TBC1D19: variants seen among roughly 807,000 people sequenced by gnomAD.
The protein encoded by TBC1D19 is TBC1 domain family member 19.
A neutral mutation model predicts 89.0 loss-of-function variants in TBC1D19; 60 were observed. The ratio of observed to expected loss-of-function variants is 0.67; its 90% CI spans 0.55 to 0.84. TBC1D19 has a LOEUF of 0.84. Ranked by LOEUF, TBC1D19 falls within the 40% of genes least tolerant of loss-of-function variation. The probability of loss-of-function intolerance (pLI) is 0.00; values close to 1 mark genes in which losing one functional copy is unlikely to be tolerated. For synonymous variants in TBC1D19, 189 were observed against 199.7 expected, an observed-to-expected ratio of 0.95 and a Z score of 0.45; for missense variants, 500 against 610.8, an observed-to-expected ratio of 0.82 and a Z score of 1.91.
chr4:26,706,846 C>T (rs1715774106), intron 13 of TBC1D19, among the ~76,000 whole-genome samples: 1 of 151,382 alleles, frequency 6.6e-6, no homozygotes, highest in Non-Finnish European at 1.5e-5. Context: ...TCCAGTTTTC[C>T]TTCTGTGACT....
rs754080258 is a variant in TBC1D19 at position 26,692,592 on chromosome 4, C to G, written c.954+4185C>G. ...CTTTAACAACAGTAACTCTGAAGCT[C>G]TCCTCAAAGAACTAACTTTATATGG... On this transcript the variant is annotated intron_variant, in intron 13 of 20. Coordinates refer to ENST00000264866, the MANE Select transcript of TBC1D19 (RefSeq NM_018317.4). 2.0e-5 allele frequency among the ~76,000 whole-genome samples: 3 copies of G among 152,326 alleles called. No homozygotes were observed. In the South Asian group the frequency reaches 6.2e-4, roughly 32 times the overall value.
At chr4:26,637,062 TAGTC>T in intron 4 of TBC1D19, 145 bp from the exon 5 acceptor site, 1 of 576,736 alleles carries the variant, frequency 1.7e-6, no homozygotes. Context: ...TAGTAGGCAA[TAGTC>T]AGTATTTGTT....
At chr4:26,804,190 G>C in the TBC1D19 span, among the ~76,000 whole-genome samples, 1 of 151,868 alleles carries the variant, frequency 6.6e-6, no homozygotes, top group Admixed American at 6.6e-5. Flanking sequence ...CTGTCCCCCA[G>C]GCAGGAGTGC....
the TBC1D19 span, among the ~76,000 whole-genome samples, chr4:26,813,662 T>C: frequency 6.6e-6 from 1 of 152,226 alleles, no homozygotes; most frequent in Non-Finnish European, 1.5e-5. Flanking sequence ...AAATTATGTT[T>C]AACTGAATTT....
chr4:26,667,362 T>A (rs1711904609), intron 9 of TBC1D19, among the ~76,000 whole-genome samples: 1 of 152,054 alleles, frequency 6.6e-6, no homozygotes, highest in Admixed American at 6.6e-5. Context: ...TCTTTCAATC[T>A]GTAATCCCCA....
intron 15 of TBC1D19, 106 bp downstream of exon 15, chr4:26,720,231 C>CCAT: frequency 1.2e-6 from 1 of 802,818 alleles, no homozygotes; most frequent in Non-Finnish European, 1.9e-6. Context: ...CATTTATTAT[C>CCAT]TAAAATAAAC....
At chr4:26,759,575 A>C (rs1578027255), downstream of TBC1D19, among the ~76,000 whole-genome samples, 1 of 152,152 alleles carries the variant, frequency 6.6e-6, no homozygotes, top group African/African-American at 2.4e-5. Flanking sequence ...AAGATATAGA[A>C]CATTTCCATC....
At chr4:26,763,207 T>C in the TBC1D19 span, among the ~76,000 whole-genome samples, 1 of 152,268 alleles carries the variant, frequency 6.6e-6, no homozygotes, top group Admixed American at 6.5e-5. Flanking sequence ...CTCCCAACCA[T>C]CTAAATGGAC....
In TBC1D19 at chr4:26,673,789, A is replaced by G. The variant is rs369502238; in HGVS notation, c.717A>G (p.Gln239=). The change falls in exon 11 of 21, where the codon CAA becomes CAG. Residue 239 remains glutamine, a synonymous_variant. Transcript: ENST00000264866. ...VRIGQKVLAE[Q]DSAAAQQYIR... is the part of the protein sequence containing the mutation. ...TACTTTTGATAGTTCTAGCAGAACA[A>G]GATAGTGCTGCTGCTCAACAGTACA... 28 of 1,610,282 alleles carry G rather than the reference A, an allele frequency of 1.7e-5. No homozygotes were observed. Among genetic ancestry groups the G allele is most frequent in the Non-Finnish European group, 2.3e-5 (27 of 1,177,084 alleles).
chr4:26,679,348 T>C (rs1577922201), intron 11 of TBC1D19, among the ~76,000 whole-genome samples: 1 of 152,334 alleles, frequency 6.6e-6, no homozygotes. Context: ...AGGCCACTGC[T>C]TCAGAGGGTG....
intron 16 of TBC1D19, among the ~76,000 whole-genome samples, chr4:26,739,576 G>T (rs1718230601): frequency 6.6e-6 from 1 of 151,944 alleles, no homozygotes; most frequent in African/African-American, 2.4e-5. Context: ...AAGTTACTTG[G>T]AACTTTTCAT....
intron 7 of TBC1D19, among the ~76,000 whole-genome samples, chr4:26,654,301 T>C (rs1250693857): frequency 6.6e-6 from 1 of 152,216 alleles, no homozygotes; most frequent in Non-Finnish European, 1.5e-5. Context: ...CTGGCTGCCC[T>C]TAACATATTT....
Position 26,590,796 on chromosome 4 carries a change from G to GTTTTTTTTTTTTTTTTTTTTTTTTT in TBC1D19, c.99+6511_99+6535dup, listed in dbSNP as rs869124166. 4.7e-4 allele frequency among the ~76,000 whole-genome samples: 25 copies of GTTTTTTTTTTTTTTTTTTTTTTTTT among 52,960 alleles called. 3 individuals are homozygous for GTTTTTTTTTTTTTTTTTTTTTTTTT. The highest frequency in any genetic ancestry group is 7.4e-4 in the East Asian group (1 of 1,346). The allele number at this position is 52,960 out of a possible 152,430, so 34.7% of individuals were successfully genotyped here. ...GGTTCACTCTTTGTCTTGCAGGTCTGTTTTTTTTTTTTTTTTTTTTTTTTT... is the reference window on the plus strand; with the variant it reads ...GGTTCACTCTTTGTCTTGCAGGTCTGTTTTTTTTTTTTTTTTTTTTTTTTTTTTTTTTTTTTTTTTTTTTTTTTTT... On this transcript the variant is annotated intron_variant, in intron 1 of 20. Transcript: ENST00000264866.
intron 1 of TBC1D19, among the ~76,000 whole-genome samples, chr4:26,609,190 C>T (rs1473250202): frequency 6.6e-6 from 1 of 151,264 alleles, no homozygotes; most frequent in Non-Finnish European, 1.5e-5. Context: ...CACATGTACC[C>T]TAAAACTTAA....
At chr4:26,719,224 C>G (rs1334892430) in intron 14 of TBC1D19, among the ~76,000 whole-genome samples, 3 of 152,032 alleles carry the variant, frequency 2.0e-5, no homozygotes, top group African/African-American at 4.8e-5. Flanking sequence ...ATCTACTTAC[C>G]TACCTACCTA....
upstream of TBC1D19, chr4:26,584,041 C>A: frequency 1.4e-6 from 1 of 703,998 alleles, no homozygotes; most frequent in Non-Finnish European, 2.4e-6. Context: ...GGGACGGACA[C>A]AAGGCTCGGC....
the TBC1D19 span, among the ~76,000 whole-genome samples, chr4:26,776,443 A>G: frequency 6.6e-6 from 1 of 152,198 alleles, no homozygotes; most frequent in South Asian, 2.1e-4. Context: ...TGTCTGTATT[A>G]TATGTTTTTC....
the TBC1D19 span, among the ~76,000 whole-genome samples, chr4:26,777,200 T>A: frequency 2.7e-5 from 4 of 150,360 alleles, no homozygotes; most frequent in Non-Finnish European, 5.9e-5. Context: ...AATGGTGCAA[T>A]CTTGGCTCAC....
chr4:26,686,384 C>T (rs560903327), intron 12 of TBC1D19, among the ~76,000 whole-genome samples: 1 of 151,952 alleles, frequency 6.6e-6, no homozygotes, highest in East Asian at 1.9e-4. Flanking sequence ...ATTGAACCCT[C>T]CCTAAGCTAA....
Sources: allele counts gnomAD v4.1 joint callset (sites outside exome capture counted in the v4.1 genomes callset), GRCh38; gene constraint gnomAD v4.1.1; transcripts MANE v1.5; gene names NCBI Gene and HGNC (gene_info 2026-07-23, HGNC 2026-07-21).